Variants in SYNRG observed in about 807,000 individuals in gnomAD.
SYNRG encodes AP1 gamma subunit binding protein 1.
In SYNRG, 37 loss-of-function variants were observed where a neutral mutation model predicts 130.9. The observed-to-expected ratio is 0.28, with a 90% CI of 0.22 to 0.37. SYNRG has a LOEUF of 0.37. Ranked by LOEUF, SYNRG falls within the 10% of genes least tolerant of loss-of-function variation. The probability of loss-of-function intolerance (pLI) is 1.00; values close to 1 mark genes in which losing one functional copy is unlikely to be tolerated. For missense variants in SYNRG, 1,338 were observed against 1,588.9 expected (o/e 0.84, Z 2.68); for synonymous variants, 539 against 568.1 (o/e 0.95, Z 0.73).
intron 1 of SYNRG, among the ~76,000 whole-genome samples, chr17:37,601,170 C>G (rs1487830506): frequency 6.6e-6 from 1 of 152,062 alleles, no homozygotes; most frequent in Non-Finnish European, 1.5e-5. Context: ...TGTGTTCAAG[C>G]AATTCTCCTG....
intron 6 of SYNRG, among the ~76,000 whole-genome samples, chr17:37,579,989 C>T (rs1009428828): frequency 1.1e-4 from 16 of 151,968 alleles, no homozygotes; most frequent in African/African-American, 3.9e-4. Context: ...TAATTTTTCC[C>T]CTGAGACCAT....
chr17:37,562,541 G>A (rs1460206752), intron 11 of SYNRG, among the ~76,000 whole-genome samples: 1 of 151,948 alleles, frequency 6.6e-6, no homozygotes, highest in African/African-American at 2.4e-5. Flanking sequence ...TGAGTTCTTC[G>A]CCCTGGAGCA....
rs759610635 is a variant in SYNRG, at chr17:37,553,601, G to C, written c.2122C>G (p.Pro708Ala). ...TTAAGGGCATCATATTTGTCATCCG[G>C]CTTTTGCTCAGATGAAATAGAGCTA... is the stretch of plus-strand genomic sequence containing the variant. ...SNSSISSEQK[P>A]DDKYDALKEE... is the part of the protein sequence containing the mutation. Residue 708 changes from proline (P) to alanine (A), a missense_variant, in exon 14 of 22, where the codon CCG becomes GCG. Coordinates refer to ENST00000612223, the MANE Select transcript of SYNRG (RefSeq NM_007247.6). 2.0e-5 allele frequency: 32 copies of C among 1,613,974 alleles called. No individual in the cohort carries two copies. The highest frequency in any genetic ancestry group is 2.6e-5 in the Non-Finnish European group (31 of 1,179,988).
chr17:37,600,239 A>G (rs1348250588), intron 2 of SYNRG, 124 bp downstream of exon 2: 1 of 783,002 alleles, frequency 1.3e-6, no homozygotes, highest in African/African-American at 1.8e-5. Flanking sequence ...TACAGGTTTA[A>G]GAGTGCAGAA....
chr17:37,590,640 G>A (rs1271028596), intron 3 of SYNRG, among the ~76,000 whole-genome samples: 1 of 152,116 alleles, frequency 6.6e-6, no homozygotes, highest in Non-Finnish European at 1.5e-5. Context: ...TAAAAATATG[G>A]CCAGGCGCAG....
At chr17:37,593,878 CAA>C (rs36060397) in intron 3 of SYNRG, among the ~76,000 whole-genome samples, 53 of 89,514 alleles carry the variant, frequency 5.9e-4, no homozygotes, top group Admixed American at 5.9e-4. Context: ...AACTCCCTCT[CAA>C]AAAAAAAAAA....
intron 7 of SYNRG, 69 bp from the exon 8 acceptor site, chr17:37,576,487 G>T: frequency 6.8e-7 from 1 of 1,465,814 alleles, no homozygotes; most frequent in Non-Finnish European, 9.4e-7. Context: ...ACTGAGTCAT[G>T]GTTTTTTACA....
chr17:37,525,722 C>G (rs957217063), intron 19 of SYNRG, among the ~76,000 whole-genome samples: 2 of 152,190 alleles, frequency 1.3e-5, no homozygotes, highest in African/African-American at 4.8e-5. Flanking sequence ...AATCTCAGCA[C>G]TTTGGGAGGC....
intron 3 of SYNRG, among the ~76,000 whole-genome samples, chr17:37,590,083 A>G (rs146303055): frequency 6.6e-6 from 1 of 151,558 alleles, no homozygotes; most frequent in African/African-American, 2.4e-5. Flanking sequence ...AGGCAGGTGA[A>G]TTACTTGAGC....
intron 13 of SYNRG, among the ~76,000 whole-genome samples, chr17:37,557,981 A>G (rs1034189540): frequency 2.0e-5 from 3 of 152,226 alleles, no homozygotes; most frequent in Non-Finnish European, 2.9e-5. Flanking sequence ...AAGAATCCTC[A>G]TGTTAAACCA....
intron 17 of SYNRG, 31 bp downstream of exon 17, chr17:37,539,161 A>T (rs147501758): frequency 6.2e-7 from 1 of 1,612,938 alleles, no homozygotes; most frequent in East Asian, 2.2e-5. Context: ...GAGCACTCAC[A>T]TATGTGTGAA....
At chr17:37,540,745 C>A in intron 15 of SYNRG, 1 of 732,462 alleles carries the variant, frequency 1.4e-6, no homozygotes, top group Non-Finnish European at 2.0e-6. Flanking sequence ...AGCAATTCTC[C>A]TGCCTCAGCC....
At chr17:37,535,039 G>A (rs1268227115) in intron 19 of SYNRG, among the ~76,000 whole-genome samples, 1 of 152,096 alleles carries the variant, frequency 6.6e-6, no homozygotes, top group Non-Finnish European at 1.5e-5. Flanking sequence ...TTTGCCCAAT[G>A]AAATGTAAAA....
Position 37,553,931 on chromosome 17 carries a change from CTGAGGGGAAGGA to C in SYNRG, c.1780_1791del (p.Ser594_Ser597del). Reference sequence around the variant, plus strand: ...GTTTGTTGTTTCTGTTGTATAGTTCCTGAGGGGAAGGATGGTGGAAAAGTTTTGTCTTTTGTT... The same window carrying C: ...GTTTGTTGTTTCTGTTGTATAGTTCCTGGTGGAAAAGTTTTGTCTTTTGTT... On this transcript the variant is annotated inframe_deletion, in exon 14 of 22. Transcript: ENST00000612223. 1 of 1,611,198 alleles carries C rather than the reference CTGAGGGGAAGGA, an allele frequency of 6.2e-7. No homozygotes were observed. The highest frequency in any genetic ancestry group is 8.5e-7 in the Non-Finnish European group (1 of 1,179,472).
At position 37,547,669 on chromosome 17, in the gene SYNRG, G is replaced by C. The variant is rs2058389798; in HGVS notation, c.2609-5104C>G. Among the ~76,000 whole-genome samples the C allele has an allele frequency of 2.6e-5, 4 of 152,164 alleles. 1 individual carries two copies. The South Asian group carries it at 8.3e-4, about 32-fold the overall frequency. Reference sequence around the variant, plus strand: ...GTAGAGATGGGGTTTCACCATGTTGGCCAGGCTGGTCTCCAACTCCTGACC... The same window carrying C: ...GTAGAGATGGGGTTTCACCATGTTGCCCAGGCTGGTCTCCAACTCCTGACC... On this transcript the variant is annotated intron_variant, in intron 14 of 21. Transcript: ENST00000612223.
At chr17:37,588,775 T>C (rs574402096) in intron 3 of SYNRG, among the ~76,000 whole-genome samples, 12 of 151,518 alleles carry the variant, frequency 7.9e-5, no homozygotes, top group Non-Finnish European at 1.5e-4. Context: ...ACCCAAAGTA[T>C]ATAAAATACA....
chr17:37,603,010 A>G (rs1362339699), intron 1 of SYNRG, among the ~76,000 whole-genome samples: 2 of 152,134 alleles, frequency 1.3e-5, no homozygotes, highest in Admixed American at 6.5e-5. Flanking sequence ...AGCAGACAGA[A>G]TGACAGAAGG....
chr17:37,595,140 A>G (rs1441278354), intron 3 of SYNRG, among the ~76,000 whole-genome samples: 2 of 152,222 alleles, frequency 1.3e-5, no homozygotes, highest in African/African-American at 4.8e-5. Flanking sequence ...ATTTCAATGT[A>G]TTCCCTTCCT....
At chr17:37,566,062 C>A (rs1393202120) in intron 11 of SYNRG, among the ~76,000 whole-genome samples, 1 of 151,134 alleles carries the variant, frequency 6.6e-6, no homozygotes, top group Non-Finnish European at 1.5e-5. Flanking sequence ...AGGTGAGGGG[C>A]GCCTCTGCCC....
Sources: allele counts gnomAD v4.1 joint callset (sites outside exome capture counted in the v4.1 genomes callset), GRCh38; gene constraint gnomAD v4.1.1; transcripts MANE v1.5; gene names NCBI Gene and HGNC (gene_info 2026-07-23, HGNC 2026-07-21).